The following ADGRE3 variants were observed in gnomAD, a reference collection of about 807,000 sequenced individuals.
ADGRE3 encodes EGF-like module receptor 3.
Under a neutral mutation model 80.1 loss-of-function variants are expected in ADGRE3, and 88 were observed. The observed-to-expected ratio is 1.10, with a 90% confidence interval of 0.93 to 1.31. ADGRE3 has a LOEUF of 1.31. ADGRE3 is among the 40% of genes most tolerant of loss of function. ADGRE3 has a pLI of 0.00. For missense variants in ADGRE3, 715 were observed against 776.5 expected (o/e 0.92, Z 0.94); for synonymous variants, 281 against 294.8 (o/e 0.95, Z 0.48).
chr19:14,651,320 C>A, intron 6 of ADGRE3, 116 bp from the exon 7 acceptor site: 1 of 1,149,816 alleles, frequency 8.7e-7, no homozygotes. Context: ...GAGGCTGAGG[C>A]AGAAGGATTG....
Position 14,641,479 on chromosome 19 carries a change from C to T in ADGRE3, c.1188G>A (p.Ser396=), listed in dbSNP as rs190395132. 35 of 1,613,788 alleles carry T rather than the reference C, an allele frequency of 2.2e-5. No individual in the cohort carries two copies. The highest frequency in any genetic ancestry group is 1.1e-4 in the South Asian group (10 of 91,056). The change falls in exon 10 of 16, where the codon TCG becomes TCA. Residue 396 remains serine, a synonymous_variant. Transcript: ENST00000253673. ...GGAGGTGGGCCAGGAAGAGGCAGAG[C>T]GAGAGCTGCAGATGCAGTGAGGTGC... ...NTSTSLHLQL[S]LCLFLAHLLF...
At chr19:14,620,548 T>TATAATATATATATA in intron 15 of ADGRE3, among the ~76,000 whole-genome samples, 36 of 24,950 alleles carry the variant, frequency 1.4e-3, no homozygotes, top group South Asian at 5.0e-3. Flanking sequence ...TATATATATA[T>TATAATATATATATA]TATATATATA....
At chr19:14,648,374 C>G (rs1282176301) in intron 7 of ADGRE3, among the ~76,000 whole-genome samples, 1 of 152,056 alleles carries the variant, frequency 6.6e-6, no homozygotes, top group Admixed American at 6.6e-5. Flanking sequence ...AAAGTTCAGC[C>G]CCCGGAGCAA....
At chr19:14,674,224 C>T (rs917496503) in intron 1 of ADGRE3, among the ~76,000 whole-genome samples, 6 of 152,110 alleles carry the variant, frequency 3.9e-5, no homozygotes, top group Admixed American at 3.3e-4. Context: ...AGACCGGGTG[C>T]GGTGGCTCAT....
chr19:14,605,748 C>CT, the ADGRE3 span, among the ~76,000 whole-genome samples: 4 of 151,718 alleles, frequency 2.6e-5, no homozygotes, highest in Admixed American at 1.3e-4. Context: ...GGGATTTTGA[C>CT]TTTTTTCCGG....
intron 3 of ADGRE3, among the ~76,000 whole-genome samples, chr19:14,663,072 G>A (rs1168523246): frequency 1.4e-4 from 22 of 151,924 alleles, no homozygotes; most frequent in Non-Finnish European, 1.6e-4. Flanking sequence ...GTGCAATCTC[G>A]GCTCACTGCA....
chr19:14,620,454 A>C, intron 15 of ADGRE3, among the ~76,000 whole-genome samples: 4 of 132,546 alleles, frequency 3.0e-5, no homozygotes, highest in Non-Finnish European at 4.8e-5. Context: ...TCATGTATAT[A>C]TGAATATATG....
the ADGRE3 span, among the ~76,000 whole-genome samples, chr19:14,600,480 C>T: frequency 6.6e-6 from 1 of 152,164 alleles, no homozygotes; most frequent in Non-Finnish European, 1.5e-5. Context: ...TTTTATGTTT[C>T]AGGTTGCATT....
At chr19:14,666,279 G>T (rs1972103998) in intron 2 of ADGRE3, among the ~76,000 whole-genome samples, 1 of 151,028 alleles carries the variant, frequency 6.6e-6, no homozygotes, top group Non-Finnish European at 1.5e-5. Flanking sequence ...TTTTTATTAT[G>T]GCCATTCTTG....
chr19:14,641,766 C>T (rs1971259038), intron 9 of ADGRE3, 150 bp from the exon 10 acceptor site: 6 of 892,542 alleles, frequency 6.7e-6, no homozygotes, highest in Middle Eastern at 2.2e-4. Context: ...ATGTAGACTG[C>T]TAATATACAC....
chr19:14,614,441 AG>A (rs1230644207), downstream of ADGRE3, among the ~76,000 whole-genome samples: 1 of 152,352 alleles, frequency 6.6e-6, no homozygotes, highest in East Asian at 1.9e-4. Flanking sequence ...TTACCACTTT[AG>A]GTCCAGGGGA....
chr19:14,662,735 C>A (rs1971983219), intron 3 of ADGRE3, among the ~76,000 whole-genome samples: 1 of 151,872 alleles, frequency 6.6e-6, no homozygotes, highest in African/African-American at 2.4e-5. Context: ...AAACAGCCCC[C>A]ATTTTGCCTC....
intron 8 of ADGRE3, among the ~76,000 whole-genome samples, chr19:14,644,726 TTTTG>T (rs1283951285): frequency 2.0e-5 from 3 of 151,820 alleles, no homozygotes; most frequent in African/African-American, 7.3e-5. Flanking sequence ...GTGATTTCTG[TTTTG>T]TTTGTTTGTT....
intron 4 of ADGRE3, among the ~76,000 whole-genome samples, chr19:14,658,937 G>A (rs1026287402): frequency 1.3e-5 from 2 of 151,916 alleles, no homozygotes; most frequent in Non-Finnish European, 2.9e-5. Context: ...GTTTCACCAC[G>A]TTGGCCAGGC....
In ADGRE3 at chr19:14,667,357, T is replaced by C. The variant is rs529209360; in HGVS notation, c.76+1445A>G. On this transcript the variant is annotated intron_variant, in intron 2 of 15. Coordinates refer to ENST00000253673, the MANE Select transcript of ADGRE3 (RefSeq NM_032571.5). ...GTCTTCTTTTCTGTTTTTTTTTTTT[T>C]TAAATTTGGTAACATGCACATAATA... Among the ~76,000 whole-genome samples, 13 of 151,964 alleles carry C rather than the reference T, an allele frequency of 8.6e-5. No individual in the cohort carries two copies. In the East Asian group the frequency reaches 2.5e-3, roughly 29 times the overall value.
Position 14,621,697 on chromosome 19 carries a change from C to T in ADGRE3, c.1921-2226G>A, listed in dbSNP as rs1041447153. 8.5e-5 allele frequency: 88 copies of T among 1,037,664 alleles called. 31 individuals carry two copies. The highest frequency in any genetic ancestry group is 1.1e-4 in the Non-Finnish European group (81 of 744,972). 64.3% of individuals were successfully genotyped at this position (1,037,664 alleles called of 1,614,324 possible). On this transcript the variant is annotated intron_variant, in intron 15 of 15. Transcript: ENST00000253673. ...CACTCTTATAAATAGGATTTTCACC[C>T]GTGTCCCATTTGGCATTCATTTTCT...
the ADGRE3 span, among the ~76,000 whole-genome samples, chr19:14,605,097 C>T: frequency 6.7e-6 from 1 of 150,022 alleles, no homozygotes; most frequent in African/African-American, 2.5e-5. Flanking sequence ...CTTTGACCTC[C>T]CCACATTTTT....
rs1291315568 is a variant in ADGRE3, at chr19:14,619,377, TA to T, written c.*55del. The T allele has an allele frequency of 8.7e-6, 11 of 1,260,506 alleles. No individual in the cohort carries two copies. Among genetic ancestry groups the T allele is most frequent in the Non-Finnish European group, 1.2e-5 (10 of 861,562 alleles). 78.1% of individuals were successfully genotyped at this position (1,260,506 alleles called of 1,614,324 possible). On this transcript the variant is annotated 3_prime_UTR_variant, in exon 16 of 16. Coordinates refer to ENST00000253673, the MANE Select transcript of ADGRE3 (RefSeq NM_032571.5). Reference sequence around the variant, plus strand: ...CCCTTTTCCTTAGCTTCATTCTTCATAATGCCAAAGAGATCCATGGATATGA... The same window carrying T: ...CCCTTTTCCTTAGCTTCATTCTTCATATGCCAAAGAGATCCATGGATATGA...
chr19:14,607,977 C>A, the ADGRE3 span, among the ~76,000 whole-genome samples: 27 of 152,074 alleles, frequency 1.8e-4, no homozygotes, highest in African/African-American at 6.3e-4. Flanking sequence ...CTCTGGTAAT[C>A]CTCCTGCCTC....
Sources: allele counts gnomAD v4.1 joint callset (sites outside exome capture counted in the v4.1 genomes callset), GRCh38; gene constraint gnomAD v4.1.1; transcripts MANE v1.5; gene names NCBI Gene and HGNC (gene_info 2026-07-23, HGNC 2026-07-21).